Variants in GMEB1 observed in about 807,000 individuals in gnomAD.
GMEB1 encodes the protein glucocorticoid modulatory element-binding protein 1.
Under a neutral mutation model 52.4 loss-of-function variants are expected in GMEB1, and 6 were observed. The observed-to-expected ratio is 0.11, with a 90% CI of 0.06 to 0.23. GMEB1 has a LOEUF of 0.23. GMEB1 is among the 10% of genes least tolerant of loss of function. The pLI is 1.00. For synonymous variants in GMEB1, 255 were observed against 244.9 expected, an observed-to-expected ratio of 1.04 and a Z score of -0.38; for missense variants, 486 against 685.6, an observed-to-expected ratio of 0.71 and a Z score of 3.25.
chr1:28,685,516 A>C (rs992434324), intron 2 of GMEB1, among the ~76,000 whole-genome samples: 1 of 152,204 alleles, frequency 6.6e-6, no homozygotes, highest in African/African-American at 2.4e-5. Context: ...AGTAAACATA[A>C]TGATGATTCG....
rs553039725 is a variant in GMEB1, at chr1:28,714,488, G to T, written c.1407G>T (p.Met469Ile). The T allele has an allele frequency of 2.0e-5, 33 of 1,614,176 alleles. No individual in the cohort carries two copies. In the Admixed American group the frequency reaches 2.8e-4, roughly 14 times the overall value. Residue 469 changes from methionine (M) to isoleucine (I), a missense_variant, in exon 10 of 10, where the codon ATG becomes ATT. Physicochemically the swap from Met to Ile is conservative, Grantham distance 10. Around this residue, in one of 5 missense-constraint regions of GMEB1, gnomAD observed 153 missense variants for 200.8 expected, o/e 0.76. Transcript: ENST00000373816. The stretch of plus-strand genomic sequence containing the variant: ...TGGCGCTGCTGAGCTCTACTGCCAT[G>T]CAGGATGGGAGTACACTGGGCAACA... The part of the protein sequence containing the change: ...SSLALLSSTA[M>I]QDGSTLGNMT...
rs199745759 is a variant in GMEB1 at position 28,710,495 on chromosome 1, C to T, written c.869-25C>T. Reference sequence around the variant, plus strand: ...GTGGAACATATCTGTTTTAACTGGACAGGCATGTCTTTTGTTTTAAATAGA... The same window carrying T: ...GTGGAACATATCTGTTTTAACTGGATAGGCATGTCTTTTGTTTTAAATAGA... On this transcript the variant is annotated intron_variant, in intron 8 of 9. Coordinates refer to ENST00000373816, the MANE Select transcript of GMEB1 (RefSeq NM_001319674.2). 73 of 1,567,132 alleles carry T rather than the reference C, an allele frequency of 4.7e-5. No individual in the cohort carries two copies. The African/African-American group carries it at 8.4e-4, about 18-fold the overall frequency.
rs1671287841 is a variant in GMEB1 at position 28,716,907 on chromosome 1, A to T, written c.*2134A>T. ...TGATTGCATTGTTTACTGCACTAGG[A>T]AAAATATAGAGATACAGGGAAACTA... On this transcript the variant is annotated 3_prime_UTR_variant, in exon 10 of 10. Transcript: ENST00000373816. 1 of 152,098 alleles carries T rather than the reference A, an allele frequency of 6.6e-6. No individual in the cohort carries two copies. The highest frequency in any genetic ancestry group is 2.1e-4 in the South Asian group (1 of 4,828). 9.4% of individuals were successfully genotyped at this position (152,098 alleles called of 1,614,324 possible). A position where few individuals can be genotyped will look rare whatever the true frequency, so the allele number is the denominator to read the frequency against.
At position 28,715,173 on chromosome 1, in the gene GMEB1, TC is replaced by T. The variant is rs140565035; in HGVS notation, c.*401del. ...GATCTGACACTGGAAGGCAACCCAC[TC>T]GCATGTGGATGCTGAAGGGCACTTT... On this transcript the variant is annotated 3_prime_UTR_variant, in exon 10 of 10. Transcript: ENST00000373816. 2.7e-3 allele frequency: 482 copies of T among 180,100 alleles called. 9 individuals carry two copies. Among genetic ancestry groups the T allele is most frequent in the Admixed American group, 0.018 (327 of 18,616 alleles). 11.2% of individuals were successfully genotyped at this position (180,100 alleles called of 1,614,324 possible). A position where few individuals can be genotyped will look rare whatever the true frequency, so the allele number is the denominator to read the frequency against.
At chr1:28,692,795 A>G (rs1010388742) in intron 4 of GMEB1, 147 bp from the exon 5 acceptor site, 30 of 417,336 alleles carry the variant, frequency 7.2e-5, no homozygotes, top group East Asian at 1.8e-4. Context: ...CTCTAACACA[A>G]TAGTACAGGA....
At chr1:28,674,708 CTTTTTTTTTTTTTT>C (rs34267851) in intron 1 of GMEB1, among the ~76,000 whole-genome samples, 6 of 49,132 alleles carry the variant, frequency 1.2e-4, no homozygotes, top group South Asian at 1.0e-3. Flanking sequence ...ATAGTTAATT[CTTTTTTTTTTTTTT>C]TTTTTTTTTT....
rs1202480085 is a variant in GMEB1 at position 28,718,617 on chromosome 1, C to T, written c.*3844C>T. Reference sequence around the variant, plus strand: ...TCCCCAGCTCAGAAAACCAAAACTACACATTTCATTATAATTGTTTTTTTT... The same window carrying T: ...TCCCCAGCTCAGAAAACCAAAACTATACATTTCATTATAATTGTTTTTTTT... On this transcript the variant is annotated 3_prime_UTR_variant, in exon 10 of 10. Coordinates refer to ENST00000373816, the MANE Select transcript of GMEB1 (RefSeq NM_001319674.2). The T allele has an allele frequency of 6.6e-6, 1 of 152,152 alleles. No homozygotes were observed. The highest frequency in any genetic ancestry group is 1.5e-5 in the Non-Finnish European group (1 of 68,032). The allele number at this position is 152,152 out of a possible 1,614,324, so 9.4% of individuals were successfully genotyped here.
Position 28,702,420 on chromosome 1 carries a change from C to A in GMEB1, c.599-18C>A. ...TTCGTTAAATTCACTGTTCTCACCT[C>A]TACTGGACTGTTTTTAGGTAGCATC... On this transcript the variant is annotated intron_variant, in intron 6 of 9. Coordinates refer to ENST00000373816, the MANE Select transcript of GMEB1 (RefSeq NM_001319674.2). 6.2e-7 allele frequency: 1 copy of A among 1,611,330 alleles called. No individual in the cohort carries two copies. Among genetic ancestry groups the A allele is most frequent in the Non-Finnish European group, 8.5e-7 (1 of 1,177,874 alleles).
intron 1 of GMEB1, among the ~76,000 whole-genome samples, chr1:28,677,648 C>G (rs1284732142): frequency 6.6e-6 from 1 of 152,092 alleles, no homozygotes; most frequent in Admixed American, 6.6e-5. Context: ...TTAGCTGATT[C>G]TTTTAATTCC....
chr1:28,709,399 A>G (rs1670941961), intron 8 of GMEB1, among the ~76,000 whole-genome samples: 1 of 152,140 alleles, frequency 6.6e-6, no homozygotes, highest in Non-Finnish European at 1.5e-5. Flanking sequence ...TCTATTTTGC[A>G]GAGTAAGTGT....
At chr1:28,706,760 G>A (rs2124572436) in intron 8 of GMEB1, among the ~76,000 whole-genome samples, 1 of 151,612 alleles carries the variant, frequency 6.6e-6, no homozygotes, top group South Asian at 2.1e-4. Context: ...CACCTCCCAA[G>A]TTCAAGTGAT....
At position 28,702,550 on chromosome 1, in the gene GMEB1, A is replaced by G. The variant is rs200127277; in HGVS notation, c.711A>G (p.Lys237=). The G allele has an allele frequency of 6.2e-6, 10 of 1,613,604 alleles. No individual in the cohort carries two copies. In the Admixed American group the frequency reaches 1.0e-4, roughly 16 times the overall value. The part of the protein sequence containing the change: ...VTMATEEGVK[K]DSEEISEDTL... ...TGGCCACGGAGGAGGGTGTAAAGAAAGACTCAGAGGAAATTTCAGGTATTC... is the reference window on the plus strand; with the variant it reads ...TGGCCACGGAGGAGGGTGTAAAGAAGGACTCAGAGGAAATTTCAGGTATTC... Residue 237 remains lysine, a synonymous_variant, in exon 7 of 10, where the codon AAA becomes AAG. Coordinates refer to ENST00000373816, the MANE Select transcript of GMEB1 (RefSeq NM_001319674.2).
In GMEB1 at chr1:28,718,537, G is replaced by A. The variant is rs963304547; in HGVS notation, c.*3764G>A. Reference sequence around the variant, plus strand: ...TTTTGCTTGGGCCTAGGAGTTCAAGGCTGTAGTGAGCTATGACTTTGCCAC... The same window carrying A: ...TTTTGCTTGGGCCTAGGAGTTCAAGACTGTAGTGAGCTATGACTTTGCCAC... On this transcript the variant is annotated 3_prime_UTR_variant, in exon 10 of 10. Transcript: ENST00000373816. The A allele has an allele frequency of 1.3e-5, 2 of 152,196 alleles. No homozygotes were observed. The highest frequency in any genetic ancestry group is 4.8e-5 in the African/African-American group (2 of 41,446). 9.4% of individuals were successfully genotyped at this position (152,196 alleles called of 1,614,324 possible).
chr1:28,705,082 C>CAAA (rs756423377), intron 8 of GMEB1, among the ~76,000 whole-genome samples: 3 of 49,210 alleles, frequency 6.1e-5, no homozygotes, highest in Non-Finnish European at 4.1e-5. Context: ...GACCTTGTCT[C>CAAA]AAAAAAAAAA....
At chr1:28,678,346 CTG>C (rs1158848084) in intron 1 of GMEB1, among the ~76,000 whole-genome samples, 5 of 152,110 alleles carry the variant, frequency 3.3e-5, no homozygotes, top group African/African-American at 1.2e-4. Flanking sequence ...GAGTCTCGCT[CTG>C]TCGCCCAGGC....
At chr1:28,674,024 G>A (rs1021280390) in intron 1 of GMEB1, among the ~76,000 whole-genome samples, 25 of 151,940 alleles carry the variant, frequency 1.6e-4, no homozygotes, top group Admixed American at 1.3e-4. Context: ...GCGGGCACCT[G>A]TAATCCCAGC....
chr1:28,673,592 A>G (rs1669002520), intron 1 of GMEB1, among the ~76,000 whole-genome samples: 1 of 152,150 alleles, frequency 6.6e-6, no homozygotes, highest in Non-Finnish European at 1.5e-5. Context: ...ATCTTGCCAC[A>G]TTATAGACAT....
At chr1:28,709,392 A>G (rs1570436958) in intron 8 of GMEB1, among the ~76,000 whole-genome samples, 2 of 152,120 alleles carry the variant, frequency 1.3e-5, no homozygotes, top group Admixed American at 6.6e-5. Context: ...CTTCATGTCT[A>G]TTTTGCAGAG....
chr1:28,673,446 G>C (rs1668994603), intron 1 of GMEB1, among the ~76,000 whole-genome samples: 1 of 151,440 alleles, frequency 6.6e-6, no homozygotes, highest in Non-Finnish European at 1.5e-5. Flanking sequence ...TAGTAGAGAC[G>C]GGGTTTCACC....
Sources: gnomAD v4.1 joint callset for allele counts (sites outside exome capture counted in the v4.1 genomes callset) on GRCh38, gnomAD v4.1.1 for gene constraint, gnomAD v4.1.1 regional missense constraint, MANE v1.5 for transcripts, NCBI Gene and HGNC (gene_info 2026-07-23, HGNC 2026-07-21) for gene names.